The following CCDC102B variants were observed in gnomAD, a reference collection of about 807,000 sequenced individuals.
CCDC102B encodes the protein coiled-coil domain-containing protein 102B.
A neutral mutation model predicts 57.4 loss-of-function variants in CCDC102B; 75 were observed. That is an observed-to-expected ratio of 1.31 (90% CI 1.08 to 1.58). The LOEUF (loss-of-function observed/expected upper bound fraction) is 1.58. CCDC102B is among the 40% of genes most tolerant of loss of function. The pLI is 0.00. For synonymous variants in CCDC102B, 206 were observed against 201.9 expected, an observed-to-expected ratio of 1.02 and a Z score of -0.17; for missense variants, 636 against 582.6, an observed-to-expected ratio of 1.09 and a Z score of -0.94.
intron 6 of CCDC102B, among the ~76,000 whole-genome samples, chr18:68,988,566 C>CA (rs4021722): frequency 1.4e-3 from 185 of 136,366 alleles, no homozygotes; most frequent in Non-Finnish European, 1.9e-3. Flanking sequence ...CAAAAAAAAA[C>CA]AAAAAAAAAG....
At chr18:69,053,240 A>G (rs1235430652) in intron 7 of CCDC102B, among the ~76,000 whole-genome samples, 4 of 151,722 alleles carry the variant, frequency 2.6e-5, no homozygotes, top group Admixed American at 2.6e-4. Context: ...AAAAGCAAGA[A>G]TATTACATAT....
At chr18:68,967,617 A>G (rs1451861403) in intron 6 of CCDC102B, among the ~76,000 whole-genome samples, 1 of 152,138 alleles carries the variant, frequency 6.6e-6, no homozygotes, top group Non-Finnish European at 1.5e-5. Flanking sequence ...AAAAATAAAG[A>G]TATTCCATAA....
chr18:68,971,094 A>T (rs142643331), intron 6 of CCDC102B, among the ~76,000 whole-genome samples: 120 of 152,180 alleles, frequency 7.9e-4, no homozygotes, highest in Middle Eastern at 3.4e-3. Flanking sequence ...CTTTAAGAAT[A>T]GTAATGAATC....
intron 2 of CCDC102B, among the ~76,000 whole-genome samples, chr18:68,743,018 T>C (rs757833145): frequency 2.2e-4 from 34 of 152,068 alleles, no homozygotes; most frequent in Non-Finnish European, 4.4e-4. Context: ...ACTTATGAAT[T>C]TCAACTGGCA....
In CCDC102B at chr18:68,838,874, G is replaced by T. The variant is rs746533397; in HGVS notation, c.775G>T (p.Ala259Ser). Residue 259 changes from alanine (A) to serine (S), a missense_variant, in exon 3 of 8, where the codon GCT (alanine) becomes TCT (serine). Ala to Ser is a moderately conservative substitution (Grantham distance 99). Coordinates refer to ENST00000360242, the MANE Select transcript of CCDC102B (RefSeq NM_024781.3). ...GGAAAATGAAGTAACTGAAATTTCA[G>T]CTTTGCAGGTGCATTTGGATGAATT... ...PLENEVTEIS[A>S]LQVHLDEFQK... The T allele has an allele frequency of 6.2e-7, 1 of 1,613,974 alleles. No individual in the cohort carries two copies. Among genetic ancestry groups the T allele is most frequent in the South Asian group, 1.1e-5 (1 of 91,070 alleles).
At chr18:68,962,803 T>G (rs1406031353) in intron 6 of CCDC102B, among the ~76,000 whole-genome samples, 1 of 152,062 alleles carries the variant, frequency 6.6e-6, no homozygotes, top group Non-Finnish European at 1.5e-5. Context: ...CAGGCCTATG[T>G]ACTGTGGAAG....
chr18:68,989,114 G>A lies in CCDC102B; in HGVS notation c.1264-21820G>A, dbSNP rs80269411. Among the ~76,000 whole-genome samples the A allele has an allele frequency of 2.0e-4, 31 of 152,128 alleles. No individual in the cohort carries two copies. In the East Asian group the frequency reaches 5.4e-3, roughly 27 times the overall value. On this transcript the variant is annotated intron_variant, in intron 6 of 7. Coordinates refer to ENST00000360242, the MANE Select transcript of CCDC102B (RefSeq NM_024781.3). ...GGCACTATTTAGTTATTGGAAATCC[G>A]TATTCCATCCTATTTTGTTACTCTG... is the stretch of plus-strand genomic sequence containing the variant.
At position 69,041,279 on chromosome 18, in the gene CCDC102B, A is replaced by G. The variant is rs1177236572; in HGVS notation, c.1435-12751A>G. Among the ~76,000 whole-genome samples the G allele has an allele frequency of 2.6e-5, 4 of 152,062 alleles. 1 individual carries two copies. The highest frequency in any genetic ancestry group is 4.4e-5 in the Non-Finnish European group (3 of 67,984). On this transcript the variant is annotated intron_variant, in intron 7 of 7. Coordinates refer to ENST00000360242, the MANE Select transcript of CCDC102B (RefSeq NM_024781.3). ...AGCTTACTCAGATGTCCTGTTTTTC[A>G]TAATTCTTTATCAAGTTTATGCTGA...
intron 1 of CCDC102B, 61 bp from the exon 2 acceptor site, chr18:68,836,676 AAAAGTGTAGGTC>A: frequency 4.4e-6 from 5 of 1,133,752 alleles, no homozygotes; most frequent in Non-Finnish European, 6.1e-6. Context: ...AAAAAAAAAA[AAAAGTGTAGGTC>A]TTGTTCCTGT....
intron 6 of CCDC102B, among the ~76,000 whole-genome samples, chr18:69,007,610 TCTGG>T (rs2051387159): frequency 6.6e-6 from 1 of 152,164 alleles, no homozygotes; most frequent in Admixed American, 6.5e-5. Context: ...ACCCACAGCT[TCTGG>T]GCTCGAGCCC....
chr18:68,721,920 A>G (rs947346398), intron 2 of CCDC102B, among the ~76,000 whole-genome samples: 9 of 152,188 alleles, frequency 5.9e-5, no homozygotes, highest in Non-Finnish European at 1.0e-4. Context: ...GAACTTGGAC[A>G]CTATAACTTT....
intron 6 of CCDC102B, among the ~76,000 whole-genome samples, chr18:68,917,053 G>T (rs1465580221): frequency 6.6e-6 from 1 of 152,174 alleles, no homozygotes; most frequent in East Asian, 1.9e-4. Context: ...ATTTTGCCTG[G>T]AATCAGAGCT....
At chr18:68,808,257 T>A (rs2036104207) in intron 1 of CCDC102B, among the ~76,000 whole-genome samples, 1 of 152,080 alleles carries the variant, frequency 6.6e-6, no homozygotes, top group Non-Finnish European at 1.5e-5. Flanking sequence ...ATATTATTTT[T>A]ATCTTAGAAG....
chr18:68,717,754 T>A (rs868000804), intron 2 of CCDC102B, among the ~76,000 whole-genome samples: 23 of 152,238 alleles, frequency 1.5e-4, no homozygotes, highest in African/African-American at 5.5e-4. Context: ...CAACATTTTT[T>A]AAAAGACTTT....
intron 2 of CCDC102B, among the ~76,000 whole-genome samples, chr18:68,786,217 T>C (rs1352168909): frequency 6.6e-6 from 1 of 152,040 alleles, no homozygotes; most frequent in Admixed American, 6.5e-5. Flanking sequence ...TACCATGCTG[T>C]TTTGGTTACT....
At chr18:68,716,399 A>G (rs2031995306) in intron 1 of CCDC102B, 1 of 152,196 alleles carries the variant, frequency 6.6e-6, no homozygotes, top group Non-Finnish European at 1.5e-5. Flanking sequence ...CATGTGGACA[A>G]CAACAAAAGC....
At chr18:68,837,522 A>ATT (rs2037437969) in intron 2 of CCDC102B, among the ~76,000 whole-genome samples, 153 bp downstream of exon 2, 1 of 152,166 alleles carries the variant, frequency 6.6e-6, no homozygotes. Context: ...AGCAACAGAA[A>ATT]TTCATTTTCT....
chr18:68,818,586 G>A (rs2144731950), intron 1 of CCDC102B, among the ~76,000 whole-genome samples: 1 of 152,244 alleles, frequency 6.6e-6, no homozygotes, highest in Admixed American at 6.5e-5. Flanking sequence ...GTTGTCGTGA[G>A]TAGCTTTTCC....
intron 7 of CCDC102B, among the ~76,000 whole-genome samples, chr18:69,011,639 G>A (rs955550125): frequency 1.3e-5 from 2 of 150,838 alleles, no homozygotes; most frequent in African/African-American, 4.9e-5. Context: ...ACAACTGTGG[G>A]GGTGATTTCA....
Sources: allele counts gnomAD v4.1 joint callset (sites outside exome capture counted in the v4.1 genomes callset), GRCh38; gene constraint gnomAD v4.1.1; transcripts MANE v1.5; gene names NCBI Gene and HGNC (gene_info 2026-07-23, HGNC 2026-07-21).